IGSF21: variants seen among roughly 807,000 people sequenced by gnomAD.
IGSF21 encodes the protein immunoglobin superfamily member 21.
A neutral mutation model predicts 46.8 loss-of-function variants in IGSF21; 28 were observed. The observed-to-expected ratio is 0.60, with a 90% CI of 0.44 to 0.82. The LOEUF is 0.82. Among genes scored for constraint, IGSF21 ranks in the 40% least tolerant of loss-of-function variants. The pLI is 0.00. For missense variants in IGSF21, 624 were observed against 665.5 expected (o/e 0.94, Z 0.69); for synonymous variants, 284 against 273.6 (o/e 1.04, Z -0.38).
chr1:18,325,810 A>G (rs1363647194), intron 3 of IGSF21, among the ~76,000 whole-genome samples: 1 of 152,116 alleles, frequency 6.6e-6, no homozygotes, highest in Non-Finnish European at 1.5e-5. Context: ...TAGCTAATCT[A>G]TTCCCCAGTC....
At chr1:18,372,924 A>C (rs2086243466) in intron 6 of IGSF21, among the ~76,000 whole-genome samples, 1 of 151,668 alleles carries the variant, frequency 6.6e-6, no homozygotes, top group Non-Finnish European at 1.5e-5. Context: ...TTGTCTTAGA[A>C]AGCATCCAGA....
At chr1:18,216,135 G>A (rs578206986) in intron 1 of IGSF21, among the ~76,000 whole-genome samples, 5 of 152,280 alleles carry the variant, frequency 3.3e-5, no homozygotes, top group East Asian at 3.9e-4. Context: ...ACTCATATCA[G>A]TCAAGGAGGG....
At chr1:18,161,491 TC>T (rs1488024863) in intron 1 of IGSF21, among the ~76,000 whole-genome samples, 1 of 151,520 alleles carries the variant, frequency 6.6e-6, no homozygotes, top group Admixed American at 6.6e-5. Context: ...TTATTTACCT[TC>T]CCCCCAGCCC....
intron 1 of IGSF21, among the ~76,000 whole-genome samples, chr1:18,122,193 C>CTTTTTTTTTTTTTTTTTTTTTTTTATT (rs766563472): frequency 1.3e-5 from 1 of 78,762 alleles, no homozygotes; most frequent in Non-Finnish European, 2.4e-5. Flanking sequence ...TTCTTTCTTT[C>CTTTTTTTTTTTTTTTTTTTTTTTTATT]TTTTTTTTTT....
chr1:18,205,508 G>A (rs894370673), intron 1 of IGSF21, among the ~76,000 whole-genome samples: 3 of 152,146 alleles, frequency 2.0e-5, no homozygotes, highest in Non-Finnish European at 4.4e-5. Context: ...GGATGGAAAA[G>A]GGACTGTGAT....
At chr1:18,281,213 G>GAACA (rs2085156688) in intron 2 of IGSF21, among the ~76,000 whole-genome samples, 2 of 152,160 alleles carry the variant, frequency 1.3e-5, no homozygotes, top group African/African-American at 4.8e-5. Context: ...GTGAAAGAAT[G>GAACA]GGAAGCTGAG....
intron 1 of IGSF21, among the ~76,000 whole-genome samples, chr1:18,172,714 G>T (rs1435022675): frequency 1.3e-5 from 2 of 152,200 alleles, no homozygotes; most frequent in African/African-American, 4.8e-5. Context: ...TCACATTGGG[G>T]GTTAGGGCTT....
intron 4 of IGSF21, among the ~76,000 whole-genome samples, chr1:18,352,339 G>A (rs1385439962): frequency 2.0e-5 from 3 of 152,168 alleles, no homozygotes; most frequent in East Asian, 1.9e-4. Flanking sequence ...TTAAAGCAGC[G>A]GTCCACATAT....
chr1:18,352,569 T>C (rs1480901776), intron 4 of IGSF21, among the ~76,000 whole-genome samples: 1 of 152,128 alleles, frequency 6.6e-6, no homozygotes, highest in African/African-American at 2.4e-5. Flanking sequence ...CAAATCTAGA[T>C]CCAACACAAG....
chr1:18,167,384 A>G (rs186168731), intron 1 of IGSF21, among the ~76,000 whole-genome samples: 1 of 152,138 alleles, frequency 6.6e-6, no homozygotes, highest in Non-Finnish European at 1.5e-5. Context: ...CCAAGACTTG[A>G]AAAGGTGAAA....
intron 2 of IGSF21, among the ~76,000 whole-genome samples, chr1:18,250,084 C>CCCCTCCCTCCCT (rs1190329019): frequency 3.1e-5 from 2 of 64,084 alleles, no homozygotes; most frequent in African/African-American, 7.0e-5. Flanking sequence ...CTTCCATCCC[C>CCCCTCCCTCCCT]CACTCCCTCC....
chr1:18,202,647 C>T (rs2087087902), intron 1 of IGSF21, among the ~76,000 whole-genome samples: 1 of 152,168 alleles, frequency 6.6e-6, no homozygotes, highest in Admixed American at 6.5e-5. Flanking sequence ...CATGAGAACT[C>T]ACTCACTATC....
Position 18,290,188 on chromosome 1 carries a change from T to TTCA in IGSF21, c.184-1678_184-1677insTCA. 6.6e-6 allele frequency among the ~76,000 whole-genome samples: 1 copy of TTCA among 152,294 alleles called. No individual in the cohort carries two copies. Among genetic ancestry groups the TTCA allele is most frequent in the Admixed American group, 6.5e-5 (1 of 15,306 alleles). ...GAGGAGAATCCTCCTGTCCCCGTCC[T>TTCA]CCTCATCTTCCTCCACTCTCATGGT... On this transcript the variant is annotated intron_variant, in intron 2 of 9. Coordinates refer to ENST00000251296, the MANE Select transcript of IGSF21 (RefSeq NM_032880.5). The surrounding 1 kb of genome is among the most constrained non-coding windows in gnomAD (Gnocchi z 4.2).
chr1:18,362,122 C>G lies in IGSF21; in HGVS notation c.432C>G (p.Pro144=), dbSNP rs761561966. The G allele has an allele frequency of 7.5e-6, 12 of 1,608,464 alleles. No individual in the cohort carries two copies. Among genetic ancestry groups the G allele is most frequent in the Non-Finnish European group, 1.0e-5 (12 of 1,177,156 alleles). Residue 144 remains proline (P), a synonymous_variant, in exon 5 of 10, where the codon CCC becomes CCG. Coordinates refer to ENST00000251296, the MANE Select transcript of IGSF21 (RefSeq NM_032880.5). ...GNIFLNVMAP[P]TSIEVVAADT... Reference sequence around the variant, plus strand: ...TGCTTCCTTTTGGGGCAGCTCCTCCCACCTCCATTGAAGTGGTGGCTGCTG... The same window carrying G: ...TGCTTCCTTTTGGGGCAGCTCCTCCGACCTCCATTGAAGTGGTGGCTGCTG...
chr1:18,359,425 A>G (rs1428662552), intron 4 of IGSF21, among the ~76,000 whole-genome samples: 3 of 148,880 alleles, frequency 2.0e-5, no homozygotes, highest in African/African-American at 7.5e-5. Context: ...GAAGGAAGGA[A>G]GGAAGGAAGG....
intron 1 of IGSF21, among the ~76,000 whole-genome samples, chr1:18,164,333 G>C (rs2086657280): frequency 6.7e-6 from 1 of 149,166 alleles, no homozygotes; most frequent in Non-Finnish European, 1.5e-5. Context: ...CCTTCCTTCT[G>C]ACCCCCTTCT....
chr1:18,155,860 G>A (rs1251445345), intron 1 of IGSF21, among the ~76,000 whole-genome samples: 1 of 152,248 alleles, frequency 6.6e-6, no homozygotes, highest in Non-Finnish European at 1.5e-5. Context: ...CATCCCTGCG[G>A]GATCAAGAAC....
intron 3 of IGSF21, among the ~76,000 whole-genome samples, chr1:18,329,913 G>A (rs927186125): frequency 7.2e-5 from 11 of 152,296 alleles, no homozygotes; most frequent in Non-Finnish European, 1.0e-4. Flanking sequence ...TGCAGCATCC[G>A]CCCTCGCTGT....
At chr1:18,347,577 A>G (rs1057023606) in intron 4 of IGSF21, among the ~76,000 whole-genome samples, 4 of 152,242 alleles carry the variant, frequency 2.6e-5, no homozygotes, top group African/African-American at 7.2e-5. Context: ...TGAGTCTGCT[A>G]ATAAAAGGAA....
Sources: gnomAD v4.1 joint callset for allele counts (sites outside exome capture counted in the v4.1 genomes callset) on GRCh38, gnomAD v4.1.1 for gene constraint, Gnocchi (gnomAD v3.1) non-coding constraint, MANE v1.5 for transcripts, NCBI Gene and HGNC (gene_info 2026-07-23, HGNC 2026-07-21) for gene names.